The following TENM4 variants were observed in gnomAD, a reference collection of about 807,000 sequenced individuals.
TENM4 encodes the protein teneurin transmembrane protein 4, also known as teneurin-4.
In TENM4, 82 loss-of-function variants were observed where a neutral mutation model predicts 243.3. The ratio of observed to expected loss-of-function variants is 0.34; its 90% CI spans 0.28 to 0.40. The LOEUF (loss-of-function observed/expected upper bound fraction) is 0.40. Ranked by LOEUF, TENM4 falls within the 10% of genes least tolerant of loss-of-function variation. The pLI, the probability that TENM4 is intolerant of heterozygous loss-of-function variation, is 1.00. For synonymous variants in TENM4, 1,412 were observed against 1,456.3 expected, an observed-to-expected ratio of 0.97 and a Z score of 0.69; for missense variants, 3,138 against 3,673.3, an observed-to-expected ratio of 0.85 and a Z score of 3.77.
At chr11:78,981,799 A>G (rs765093104) in intron 6 of TENM4, among the ~76,000 whole-genome samples, 2 of 152,156 alleles carry the variant, frequency 1.3e-5, no homozygotes, top group African/African-American at 2.4e-5. Flanking sequence ...CTCACTGTAG[A>G]CAGAGTCTTC....
chr11:78,808,729 C>A (rs1235011297), intron 14 of TENM4, among the ~76,000 whole-genome samples: 3 of 152,126 alleles, frequency 2.0e-5, no homozygotes, highest in Non-Finnish European at 4.4e-5. Context: ...TTAATGAAGT[C>A]AAATGAAGGC....
chr11:79,005,069 T>C (rs1591200193), intron 6 of TENM4, among the ~76,000 whole-genome samples: 1 of 151,598 alleles, frequency 6.6e-6, no homozygotes, highest in East Asian at 1.9e-4. Flanking sequence ...CAGGAAGAAA[T>C]TGAATCCCTG....
intron 1 of TENM4, among the ~76,000 whole-genome samples, chr11:79,385,836 G>T (rs1423105799): frequency 6.6e-6 from 1 of 152,082 alleles, no homozygotes; most frequent in African/African-American, 2.4e-5. Flanking sequence ...TGTGGACACA[G>T]GATCCCTGTG....
intron 9 of TENM4, among the ~76,000 whole-genome samples, chr11:78,887,893 T>C (rs1855580415): frequency 6.6e-6 from 1 of 152,248 alleles, no homozygotes; most frequent in South Asian, 2.1e-4. Flanking sequence ...TGGATGTGTA[T>C]AGCAGCAAAC....
At chr11:79,127,651 T>G (rs763066778) in intron 4 of TENM4, among the ~76,000 whole-genome samples, 3 of 152,234 alleles carry the variant, frequency 2.0e-5, no homozygotes, top group Non-Finnish European at 4.4e-5. Flanking sequence ...CGGGGAGACC[T>G]TGATCACTTT....
chr11:79,168,694 C>A lies in TENM4; in HGVS notation c.-162-19888G>T, dbSNP rs1401257467. ...AATTCTTCCCCCCTTATATCCACAC[C>A]CCTTTGCAATGTGACTCTGTAGCTC... On this transcript the variant is annotated intron_variant, in intron 3 of 33. Coordinates refer to ENST00000278550, the MANE Select transcript of TENM4 (RefSeq NM_001098816.3). Among the ~76,000 whole-genome samples, 11 of 152,278 alleles carry A rather than the reference C, an allele frequency of 7.2e-5. 1 individual carries two copies. In the South Asian group the frequency reaches 2.3e-3, roughly 32 times the overall value.
At chr11:79,383,563 C>G (rs1359814203) in intron 1 of TENM4, among the ~76,000 whole-genome samples, 1 of 152,182 alleles carries the variant, frequency 6.6e-6, no homozygotes, top group Non-Finnish European at 1.5e-5. Context: ...TAAACCTGCT[C>G]AATCACCACC....
intron 1 of TENM4, among the ~76,000 whole-genome samples, chr11:79,314,210 T>C (rs781082711): frequency 6.6e-6 from 1 of 152,234 alleles, no homozygotes; most frequent in Non-Finnish European, 1.5e-5. Flanking sequence ...TGATAATGCC[T>C]GCCTCGTGGT....
chr11:78,953,051 A>G (rs1278338390), intron 6 of TENM4, among the ~76,000 whole-genome samples: 1 of 152,214 alleles, frequency 6.6e-6, no homozygotes, highest in Non-Finnish European at 1.5e-5. Context: ...TGGAGCATAA[A>G]TGAATTACCA....
chr11:78,870,957 C>A (rs144765041), intron 9 of TENM4, among the ~76,000 whole-genome samples: 1 of 152,154 alleles, frequency 6.6e-6, no homozygotes, highest in Non-Finnish European at 1.5e-5. Context: ...CACCTTTCCC[C>A]GGGTGGGCTC....
intron 15 of TENM4, among the ~76,000 whole-genome samples, chr11:78,803,487 G>A (rs998853317): frequency 6.6e-6 from 1 of 152,200 alleles, no homozygotes; most frequent in African/African-American, 2.4e-5. Flanking sequence ...TTGAACCCAG[G>A]TCTGTCTGAC....
chr11:78,913,373 G>T (rs1022643581), intron 6 of TENM4, among the ~76,000 whole-genome samples: 1 of 152,126 alleles, frequency 6.6e-6, no homozygotes, highest in Admixed American at 6.5e-5. Context: ...CAGCCGGAGG[G>T]GTGGGATCTT....
intron 3 of TENM4, among the ~76,000 whole-genome samples, chr11:79,157,710 C>A (rs1407422802): frequency 6.6e-6 from 1 of 152,220 alleles, no homozygotes. Flanking sequence ...CGTCCACAAG[C>A]TGCCTCCTCT....
intron 20 of TENM4, among the ~76,000 whole-genome samples, chr11:78,734,102 G>T (rs1252804835): frequency 6.6e-6 from 1 of 152,194 alleles, no homozygotes; most frequent in Admixed American, 6.5e-5. Context: ...TGAGGCAGGA[G>T]AATGGCTTGA....
intron 12 of TENM4, among the ~76,000 whole-genome samples, 166 bp downstream of exon 12, chr11:78,853,937 CG>C (rs1174120691): frequency 3.9e-5 from 6 of 152,180 alleles, no homozygotes; most frequent in African/African-American, 7.2e-5. Flanking sequence ...CTCAGAATGG[CG>C]GGCGATTCCC....
chr11:79,100,657 T>C (rs1054199116), intron 4 of TENM4, among the ~76,000 whole-genome samples: 1 of 152,090 alleles, frequency 6.6e-6, no homozygotes, highest in African/African-American at 2.4e-5. Flanking sequence ...GTAGAAGCAA[T>C]GACAATTTTA....
At chr11:79,138,425 A>ATT (rs1405215520) in intron 4 of TENM4, among the ~76,000 whole-genome samples, 1 of 116,836 alleles carries the variant, frequency 8.6e-6, no homozygotes, top group African/African-American at 3.5e-5. Flanking sequence ...ATATTATATT[A>ATT]TATATAAATA....
chr11:78,833,210 AAC>A (rs1390587358), intron 12 of TENM4, among the ~76,000 whole-genome samples: 1 of 152,220 alleles, frequency 6.6e-6, no homozygotes, highest in African/African-American at 2.4e-5. Context: ...AATAAAAAAT[AAC>A]AGTCTTCTGC....
intron 2 of TENM4, among the ~76,000 whole-genome samples, chr11:79,272,788 C>A (rs1855991980): frequency 6.6e-6 from 1 of 152,126 alleles, no homozygotes; most frequent in South Asian, 2.1e-4. Flanking sequence ...TTAAGGGCCC[C>A]CTCACATGCT....
Sources: gnomAD v4.1 joint callset for allele counts (sites outside exome capture counted in the v4.1 genomes callset) on GRCh38, gnomAD v4.1.1 for gene constraint, MANE v1.5 for transcripts, NCBI Gene and HGNC (gene_info 2026-07-23, HGNC 2026-07-21) for gene names.